CTNNA2: variants seen among roughly 807,000 people sequenced by gnomAD.
CTNNA2 encodes the protein catenin alpha 2.
In CTNNA2, 42 loss-of-function variants were observed where a neutral mutation model predicts 101.0. The ratio of observed to expected loss-of-function variants is 0.42; its 90% CI spans 0.32 to 0.54. The LOEUF is 0.54. Ranked by LOEUF, CTNNA2 falls within the 20% of genes least tolerant of loss-of-function variation. CTNNA2 has a pLI of 0.14. For missense variants in CTNNA2, 871 were observed against 1,223.1 expected (o/e 0.71, Z 4.29); for synonymous variants, 450 against 456.4 (o/e 0.99, Z 0.18).
rs191407336 is a variant in CTNNA2 at position 79,394,954 on chromosome 2, C to T, written c.-135+20941C>T. Among the ~76,000 whole-genome samples the T allele has an allele frequency of 6.6e-4, 101 of 152,214 alleles. 2 individuals are homozygous for T. The highest frequency in any genetic ancestry group is 2.7e-3 in the Admixed American group (41 of 15,290). ...GATCACTGTGGGCCATGTGTGAAGG[C>T]TCTTTGGGTTTGTGCAAACCCATGA... On this transcript the variant is annotated intron_variant, in intron 4 of 21. Transcript: ENST00000466387.
At chr2:79,751,968 A>G (rs969463669) in intron 3 of CTNNA2, among the ~76,000 whole-genome samples, 1 of 152,188 alleles carries the variant, frequency 6.6e-6, no homozygotes, top group African/African-American at 2.4e-5. Context: ...ATCTTTTTCA[A>G]CTTACTGAAG....
At chr2:79,493,028 A>G (rs978036753) in intron 4 of CTNNA2, among the ~76,000 whole-genome samples, 1 of 152,216 alleles carries the variant, frequency 6.6e-6, no homozygotes, top group Non-Finnish European at 1.5e-5. Context: ...TATAAGAACC[A>G]TCAACAAACT....
At chr2:79,321,720 G>A (rs562318533) in intron 3 of CTNNA2, among the ~76,000 whole-genome samples, 9 of 152,242 alleles carry the variant, frequency 5.9e-5, no homozygotes, top group African/African-American at 9.6e-5. Flanking sequence ...GGCTACCTTC[G>A]TGAGTTAGAG....
intron 7 of CTNNA2, among the ~76,000 whole-genome samples, chr2:79,932,026 A>G (rs1267748082): frequency 6.6e-6 from 1 of 152,132 alleles, no homozygotes; most frequent in Non-Finnish European, 1.5e-5. Context: ...CCTCTCTCAC[A>G]CCTTCAGATT....
chr2:79,647,464 G>A (rs1333832922), intron 1 of CTNNA2, among the ~76,000 whole-genome samples: 1 of 152,028 alleles, frequency 6.6e-6, no homozygotes, highest in Non-Finnish European at 1.5e-5. Context: ...AGAAAGGGCA[G>A]GCAATTGAAC....
chr2:80,031,426 G>A (rs556292289), intron 7 of CTNNA2, among the ~76,000 whole-genome samples: 13 of 152,290 alleles, frequency 8.5e-5, no homozygotes, highest in South Asian at 2.1e-4. Context: ...AGCAAGTCAC[G>A]TCTTACATTG....
At chr2:79,744,331 T>A in intron 2 of CTNNA2, 56 bp from the exon 3 acceptor site, 1 of 1,479,032 alleles carries the variant, frequency 6.8e-7, no homozygotes. Flanking sequence ...TGAGATAACA[T>A]GACATTTCTA....
chr2:79,532,241 G>A (rs1672790976), intron 1 of CTNNA2, among the ~76,000 whole-genome samples: 1 of 152,016 alleles, frequency 6.6e-6, no homozygotes, highest in Non-Finnish European at 1.5e-5. Context: ...TAAAATTATA[G>A]GGATGGGCTC....
At chr2:79,387,044 T>A (rs544476208) in intron 4 of CTNNA2, among the ~76,000 whole-genome samples, 1 of 152,230 alleles carries the variant, frequency 6.6e-6, no homozygotes, top group Admixed American at 6.5e-5. Context: ...GCCACCCTTA[T>A]AAGTTGTCTC....
intron 11 of CTNNA2, among the ~76,000 whole-genome samples, chr2:80,546,819 A>T (rs1055036371): frequency 5.3e-5 from 8 of 152,174 alleles, no homozygotes; most frequent in Admixed American, 5.2e-4. Flanking sequence ...GTTCACCTGG[A>T]AGAATCTCTG....
At chr2:79,834,750 ATG>A (rs1427426507) in intron 3 of CTNNA2, among the ~76,000 whole-genome samples, 35 of 107,948 alleles carry the variant, frequency 3.2e-4, no homozygotes, top group African/African-American at 1.2e-3. Context: ...TTTATTGTAT[ATG>A]TGTCCTATTT....
intron 7 of CTNNA2, among the ~76,000 whole-genome samples, chr2:80,076,747 A>G (rs1485388971): frequency 6.6e-6 from 1 of 152,176 alleles, no homozygotes; most frequent in Admixed American, 6.5e-5. Context: ...GCAAATATAT[A>G]GCCCCTCTAT....
intron 4 of CTNNA2, among the ~76,000 whole-genome samples, chr2:79,489,395 CA>C (rs1324481618): frequency 3.3e-5 from 5 of 152,140 alleles, no homozygotes; most frequent in Non-Finnish European, 7.3e-5. Context: ...CTATTTCAGC[CA>C]TCCTTCCTCC....
At chr2:79,888,179 G>A (rs538095487) in intron 6 of CTNNA2, among the ~76,000 whole-genome samples, 89 of 152,182 alleles carry the variant, frequency 5.8e-4, no homozygotes, top group Non-Finnish European at 1.2e-3. Context: ...GATAAAGATA[G>A]ATGCAATACA....
At chr2:79,555,681 C>T (rs762048962) in intron 1 of CTNNA2, among the ~76,000 whole-genome samples, 7 of 151,980 alleles carry the variant, frequency 4.6e-5, no homozygotes, top group African/African-American at 1.2e-4. Flanking sequence ...AGTTATGTGC[C>T]GTTTCCATAT....
intron 7 of CTNNA2, among the ~76,000 whole-genome samples, chr2:79,963,617 T>C (rs6722611): frequency 0.017 from 2,557 of 152,258 alleles, 82 homozygotes; most frequent in African/African-American, 0.058. Context: ...GCAGAGCTGC[T>C]TTGCTGCCAG....
At chr2:79,798,559 A>ATTT (rs1203120507) in intron 3 of CTNNA2, among the ~76,000 whole-genome samples, 1 of 121,510 alleles carries the variant, frequency 8.2e-6, no homozygotes, top group African/African-American at 4.2e-5. Flanking sequence ...ATATAATAAG[A>ATTT]CTTTTTTTTT....
chr2:80,366,300 G>A (rs995320322), intron 7 of CTNNA2, among the ~76,000 whole-genome samples: 1 of 152,148 alleles, frequency 6.6e-6, no homozygotes, highest in Non-Finnish European at 1.5e-5. Flanking sequence ...AGGCCCAGTA[G>A]AAGTTGGAAA....
intron 3 of CTNNA2, among the ~76,000 whole-genome samples, chr2:79,783,471 A>C (rs2105213108): frequency 6.6e-6 from 1 of 152,228 alleles, no homozygotes; most frequent in Middle Eastern, 3.4e-3. Context: ...TCTTCTCTGA[A>C]CTTCTCTGGA....
Sources: allele counts gnomAD v4.1 joint callset (sites outside exome capture counted in the v4.1 genomes callset), GRCh38; gene constraint gnomAD v4.1.1; transcripts MANE v1.5; gene names NCBI Gene and HGNC (gene_info 2026-07-23, HGNC 2026-07-21).